The following KIF27 variants were observed in gnomAD, a reference collection of about 807,000 sequenced individuals.
KIF27 encodes kinesin-like protein KIF27.
In KIF27, 84 loss-of-function variants were observed where a neutral mutation model predicts 141.8. The observed-to-expected ratio is 0.59, with a 90% CI of 0.50 to 0.71. The LOEUF (loss-of-function observed/expected upper bound fraction) is 0.71. KIF27 is among the 30% of genes least tolerant of loss of function. The pLI is 0.00. For missense variants in KIF27, 1,306 were observed against 1,628.4 expected (o/e 0.80, Z 3.41); for synonymous variants, 471 against 569.5 (o/e 0.83, Z 2.46).
intron 13 of KIF27, chr9:83,860,238 AG>A (rs1472566521): frequency 6.6e-6 from 1 of 152,210 alleles, no homozygotes; most frequent in Non-Finnish European, 1.5e-5. Context: ...TACTATCATA[AG>A]GTTTATAACT....
intron 2 of KIF27, among the ~76,000 whole-genome samples, chr9:83,909,297 A>G (rs1954900903): frequency 6.6e-6 from 1 of 152,164 alleles, no homozygotes; most frequent in South Asian, 2.1e-4. Flanking sequence ...GGCATCATTC[A>G]GAAGGTGACA....
In KIF27 at chr9:83,883,974, T is replaced by C. The variant is rs1214002721; in HGVS notation, c.2284A>G (p.Thr762Ala). The C allele has an allele frequency of 1.2e-6, 2 of 1,613,422 alleles. No individual in the cohort carries two copies. The highest frequency in any genetic ancestry group is 2.2e-5 in the East Asian group (1 of 44,876). Residue 762 changes from threonine (T) to alanine (A), a missense_variant, in exon 10 of 18, where the codon ACA (threonine) becomes GCA (alanine). Coordinates refer to ENST00000297814, the MANE Select transcript of KIF27 (RefSeq NM_017576.4). The part of the protein sequence containing the change: ...SVSKQYSLKV[T>A]KLEHDAEQAK... Reference sequence around the variant, plus strand: ...TGTTCTGCATCATGCTCTAGCTTTGTTACTTTCAAAGAATACTGCTTGCTT... The same window carrying C: ...TGTTCTGCATCATGCTCTAGCTTTGCTACTTTCAAAGAATACTGCTTGCTT...
At chr9:83,894,678 A>T (rs923668419) in intron 5 of KIF27, among the ~76,000 whole-genome samples, 1 of 152,134 alleles carries the variant, frequency 6.6e-6, no homozygotes. Context: ...TTGCTGGGGG[A>T]TTAAGCACAT....
intron 13 of KIF27, among the ~76,000 whole-genome samples, chr9:83,864,769 T>C (rs1207688437): frequency 1.3e-5 from 2 of 152,204 alleles, no homozygotes; most frequent in Non-Finnish European, 2.9e-5. Flanking sequence ...ATGTTGACAG[T>C]GAGGTGTTAA....
intron 9 of KIF27, among the ~76,000 whole-genome samples, chr9:83,886,471 T>C (rs1282112929): frequency 1.3e-5 from 2 of 152,158 alleles, no homozygotes; most frequent in Non-Finnish European, 2.9e-5. Flanking sequence ...CACTGAAGAC[T>C]TCTCTTGAAT....
At chr9:83,874,442 C>T (rs772695949) in intron 11 of KIF27, among the ~76,000 whole-genome samples, 72 of 152,218 alleles carry the variant, frequency 4.7e-4, no homozygotes, top group Non-Finnish European at 9.0e-4. Flanking sequence ...AGAAAAGAGA[C>T]AGGAGTCTCA....
At chr9:83,870,794 G>C (rs987859437) in intron 11 of KIF27, among the ~76,000 whole-genome samples, 162 bp from the exon 12 acceptor site, 1 of 146,986 alleles carries the variant, frequency 6.8e-6, no homozygotes, top group African/African-American at 2.5e-5. Flanking sequence ...TCAAACTCCT[G>C]GGCTCAAGCC....
At chr9:83,880,522 GA>G (rs1951589594) in intron 10 of KIF27, 28 bp from the exon 11 acceptor site, 1 of 1,521,432 alleles carries the variant, frequency 6.6e-7, no homozygotes, top group African/African-American at 1.4e-5. Flanking sequence ...ATTTCAAAAT[GA>G]AAAACTGAAT....
intron 14 of KIF27, among the ~76,000 whole-genome samples, chr9:83,856,944 G>A (rs1297016169): frequency 4.0e-5 from 6 of 149,910 alleles, no homozygotes; most frequent in African/African-American, 1.5e-4. Flanking sequence ...ATCATAAAAT[G>A]AGAAATTAAA....
chr9:83,886,663 G>A (rs918447199), intron 9 of KIF27, among the ~76,000 whole-genome samples: 1 of 152,176 alleles, frequency 6.6e-6, no homozygotes, highest in Admixed American at 6.5e-5. Context: ...GGCTGAGGTA[G>A]GAGGATTGGT....
chr9:83,860,897 T>A (rs997303023), intron 13 of KIF27, among the ~76,000 whole-genome samples: 7 of 151,816 alleles, frequency 4.6e-5, no homozygotes, highest in Non-Finnish European at 1.0e-4. Flanking sequence ...TTTTTTTTTT[T>A]ACCTGAAAAT....
intron 11 of KIF27, among the ~76,000 whole-genome samples, chr9:83,874,565 TTTTTC>T (rs1951058086): frequency 6.6e-6 from 1 of 152,186 alleles, no homozygotes; most frequent in Non-Finnish European, 1.5e-5. Context: ...AGTCTGTTCC[TTTTTC>T]TGGAATACCT....
intron 10 of KIF27, among the ~76,000 whole-genome samples, chr9:83,883,538 T>C (rs1368491097): frequency 2.0e-5 from 3 of 152,206 alleles, no homozygotes; most frequent in African/African-American, 7.2e-5. Flanking sequence ...TTTAATCCTT[T>C]GTCCTTCAGA....
chr9:83,844,417 G>C (rs1946994335), intron 16 of KIF27, among the ~76,000 whole-genome samples: 1 of 151,012 alleles, frequency 6.6e-6, no homozygotes, highest in Admixed American at 6.6e-5. Context: ...CCTAATACAG[G>C]TTTTGGTACC....
chr9:83,917,575 C>A (rs557140308), intron 1 of KIF27, among the ~76,000 whole-genome samples: 1 of 152,250 alleles, frequency 6.6e-6, no homozygotes, highest in South Asian at 2.1e-4. Context: ...CAACAGTAAT[C>A]ATGATAGTGT....
intron 2 of KIF27, 90 bp downstream of exon 2, chr9:83,915,204 T>A: frequency 2.0e-6 from 2 of 1,009,580 alleles, no homozygotes; most frequent in Non-Finnish European, 2.9e-6. Flanking sequence ...TCAATCAATA[T>A]GCTAAACACC....
At chr9:83,919,131 A>G (rs114686553) in intron 1 of KIF27, among the ~76,000 whole-genome samples, 2,395 of 152,248 alleles carry the variant, frequency 0.016, 80 homozygotes, top group African/African-American at 0.056. Flanking sequence ...ATCCACTAGC[A>G]CTGCTATAAT....
At chr9:83,898,946 A>T (rs1953555279) in intron 5 of KIF27, 1 of 152,388 alleles carries the variant, frequency 6.6e-6, no homozygotes, top group Non-Finnish European at 1.5e-5. Context: ...ACAGAATGAG[A>T]TCCTGTCTCA....
rs1945935282 is a variant in KIF27 at position 83,837,068 on chromosome 9, A to G, written c.4139T>C (p.Val1380Ala). 1 of 1,613,844 alleles carries G rather than the reference A, an allele frequency of 6.2e-7. No individual in the cohort carries two copies. Among genetic ancestry groups the G allele is most frequent in the African/African-American group, 1.3e-5 (1 of 74,914 alleles). Residue 1380 changes from valine (V) to alanine (A), a missense_variant, in exon 18 of 18, where the codon GTT becomes GCT. This residue lies in a region of KIF27 where 148 missense variants were observed against 250.9 expected (regional missense o/e 0.59). Coordinates refer to ENST00000297814, the MANE Select transcript of KIF27 (RefSeq NM_017576.4). ...ATCAGCAGCCATTGATCCAATGCCA[A>G]CTCCAAGACTGGAACGTCGCAATGA... ...ELSLRRSSLG[V>A]GIGSMAADSI...
Sources: gnomAD v4.1 joint callset for allele counts (sites outside exome capture counted in the v4.1 genomes callset) on GRCh38, gnomAD v4.1.1 for gene constraint, gnomAD v4.1.1 regional missense constraint, MANE v1.5 for transcripts, NCBI Gene and HGNC (gene_info 2026-07-23, HGNC 2026-07-21) for gene names.